The following DCC variants were observed in gnomAD, a reference collection of about 807,000 sequenced individuals.
DCC encodes netrin receptor DCC.
In DCC, 58 loss-of-function variants were observed where a neutral mutation model predicts 172.5. The observed-to-expected ratio is 0.34, with a 90% CI of 0.27 to 0.42. The LOEUF is 0.42. Among genes scored for constraint, DCC ranks in the 10% least tolerant of loss-of-function variants. The pLI, the probability that DCC is intolerant of heterozygous loss-of-function variation, is 1.00. For missense variants in DCC, 1,740 were observed against 1,791.0 expected (o/e 0.97, Z 0.51); for synonymous variants, 709 against 644.5 (o/e 1.10, Z -1.52).
At chr18:52,601,793 C>A (rs1431513069) in intron 1 of DCC, among the ~76,000 whole-genome samples, 2 of 151,972 alleles carry the variant, frequency 1.3e-5, no homozygotes, top group African/African-American at 4.8e-5. Flanking sequence ...TGTTCTGGTC[C>A]AATTTTGCTT....
At chr18:53,454,519 A>G (rs1015954712) in intron 23 of DCC, among the ~76,000 whole-genome samples, 2 of 152,188 alleles carry the variant, frequency 1.3e-5, no homozygotes, top group Admixed American at 6.5e-5. Flanking sequence ...GAGATCTAGA[A>G]CGCATGGTTA....
At chr18:53,081,482 C>T (rs1484734989) in intron 7 of DCC, among the ~76,000 whole-genome samples, 1 of 151,456 alleles carries the variant, frequency 6.6e-6, no homozygotes, top group Admixed American at 6.6e-5. Context: ...TATTGGGTAT[C>T]AGTGATAATG....
At chr18:52,378,412 G>T (rs144663491) in intron 1 of DCC, among the ~76,000 whole-genome samples, 1 of 152,140 alleles carries the variant, frequency 6.6e-6, no homozygotes, top group Non-Finnish European at 1.5e-5. Flanking sequence ...CCTTTGTTTA[G>T]CACCTTCTCT....
chr18:52,478,241 A>G (rs1273336079), intron 1 of DCC, among the ~76,000 whole-genome samples: 1 of 152,164 alleles, frequency 6.6e-6, no homozygotes, highest in Non-Finnish European at 1.5e-5. Context: ...TGTGCCCTCA[A>G]TAGGAAGTAT....
intron 18 of DCC, among the ~76,000 whole-genome samples, chr18:53,402,484 ATTCTT>A (rs1189675401): frequency 6.6e-6 from 1 of 152,124 alleles, no homozygotes; most frequent in Admixed American, 6.5e-5. Context: ...TCTTATAATG[ATTCTT>A]TTATTTTTAG....
At chr18:52,345,994 A>G (rs1434148942) in intron 1 of DCC, among the ~76,000 whole-genome samples, 1 of 152,260 alleles carries the variant, frequency 6.6e-6, no homozygotes, top group Non-Finnish European at 1.5e-5. Flanking sequence ...TTGGAATAAT[A>G]GAACGTTAAC....
chr18:53,353,677 T>C (rs2057839678), intron 15 of DCC, among the ~76,000 whole-genome samples: 1 of 152,186 alleles, frequency 6.6e-6, no homozygotes, highest in Non-Finnish European at 1.5e-5. Context: ...GAATTCTAGG[T>C]TGATAAATTA....
chr18:52,491,573 C>T (rs145463641), intron 1 of DCC, among the ~76,000 whole-genome samples: 34 of 152,164 alleles, frequency 2.2e-4, no homozygotes, highest in African/African-American at 7.7e-4. Flanking sequence ...ATTATCATGG[C>T]GTAAGCCCAG....
intron 2 of DCC, among the ~76,000 whole-genome samples, chr18:52,777,436 T>G (rs2037454054): frequency 6.6e-6 from 1 of 152,052 alleles, no homozygotes; most frequent in Non-Finnish European, 1.5e-5. Flanking sequence ...CTGGGTGTCT[T>G]CCCCTCTGTA....
At chr18:53,511,780 G>C (rs554645187) in intron 27 of DCC, among the ~76,000 whole-genome samples, 13 of 152,190 alleles carry the variant, frequency 8.5e-5, no homozygotes, top group South Asian at 4.1e-4. Context: ...CATCATGAGA[G>C]TATATCCTGC....
chr18:52,953,998 C>A (rs1341655311), intron 5 of DCC, among the ~76,000 whole-genome samples: 3 of 152,166 alleles, frequency 2.0e-5, no homozygotes, highest in African/African-American at 7.2e-5. Context: ...AATTATATAG[C>A]AAAAATACTA....
intron 2 of DCC, among the ~76,000 whole-genome samples, chr18:52,897,277 C>T (rs2039745631): frequency 1.3e-5 from 2 of 152,190 alleles, no homozygotes; most frequent in Admixed American, 1.3e-4. Context: ...TGGCCTTACT[C>T]CTTGCCTATT....
intron 5 of DCC, among the ~76,000 whole-genome samples, chr18:53,014,580 G>C (rs893165177): frequency 6.6e-6 from 1 of 151,508 alleles, no homozygotes; most frequent in South Asian, 2.1e-4. Context: ...GAGAATGATG[G>C]GGGATAATTA....
At chr18:53,156,688 C>G (rs2054741509) in intron 7 of DCC, among the ~76,000 whole-genome samples, 1 of 152,056 alleles carries the variant, frequency 6.6e-6, no homozygotes, top group Admixed American at 6.6e-5. Flanking sequence ...CTTCTTAGAA[C>G]TGTTAAAAAT....
chr18:53,200,181 C>T (rs185197210), intron 9 of DCC, among the ~76,000 whole-genome samples: 74 of 152,204 alleles, frequency 4.9e-4, no homozygotes, highest in African/African-American at 1.7e-3. Context: ...GATATTTCCC[C>T]GCCAATAGTA....
At chr18:52,683,925 A>C (rs2035788856) in intron 1 of DCC, among the ~76,000 whole-genome samples, 1 of 152,106 alleles carries the variant, frequency 6.6e-6, no homozygotes, top group Non-Finnish European at 1.5e-5. Context: ...AATCATATGG[A>C]TGCATTTGAA....
At chr18:53,222,551 A>C (rs958449047) in intron 12 of DCC, among the ~76,000 whole-genome samples, 18 of 149,454 alleles carry the variant, frequency 1.2e-4, no homozygotes, top group Admixed American at 2.8e-4. Context: ...TGCCTGGCTA[A>C]TTTTTTACTT....
chr18:53,090,339 G>T (rs2042984180), intron 7 of DCC, among the ~76,000 whole-genome samples: 1 of 152,012 alleles, frequency 6.6e-6, no homozygotes, highest in Non-Finnish European at 1.5e-5. Context: ...TTTTCTGGGT[G>T]CTAGAGGTTG....
At chr18:52,676,458 T>C (rs1468963678) in intron 1 of DCC, among the ~76,000 whole-genome samples, 3 of 152,184 alleles carry the variant, frequency 2.0e-5, no homozygotes, top group African/African-American at 7.2e-5. Flanking sequence ...CACATGTAAA[T>C]GATGTAAATG....
Sources: allele counts gnomAD v4.1 joint callset (sites outside exome capture counted in the v4.1 genomes callset), GRCh38; gene constraint gnomAD v4.1.1; transcripts MANE v1.5; gene names NCBI Gene and HGNC (gene_info 2026-07-23, HGNC 2026-07-21).